Variants in ZNF436 observed in about 807,000 individuals in gnomAD.
ZNF436 encodes the protein zinc finger protein 436.
In ZNF436, 22 loss-of-function variants were observed where a neutral mutation model predicts 41.9. The ratio of observed to expected loss-of-function variants is 0.53; its 90% CI spans 0.38 to 0.75. ZNF436 has a LOEUF of 0.75. ZNF436 is among the 30% of genes least tolerant of loss of function. ZNF436 has a pLI of 0.00. For synonymous variants in ZNF436, 217 were observed against 197.8 expected (o/e 1.10, Z -0.82); for missense variants, 506 against 587.3 (o/e 0.86, Z 1.43).
Position 23,362,050 on chromosome 1 carries a change from T to C in ZNF436, c.1332A>G (p.Lys444=), listed in dbSNP as rs1638248304. Residue 444 remains lysine, a synonymous_variant, in exon 4 of 4, where the codon AAA becomes AAG. Transcript: ENST00000314011. The part of the protein sequence containing the change: ...ITHQRVHTGE[K]PYECTECEKS... ...TCTCACATTCGGTACATTCATAAGG[T>C]TTCTCTCCCGTGTGAACTCTTTGAT... is the stretch of plus-strand genomic sequence containing the variant. 3 of 1,614,082 alleles carry C rather than the reference T, an allele frequency of 1.9e-6. No homozygotes were observed. Among genetic ancestry groups the C allele is most frequent in the Admixed American group, 1.7e-5 (1 of 59,998 alleles).
rs1479586285 is a variant in ZNF436 at position 23,366,070 on chromosome 1, G to T, written c.160+972C>A. Among the ~76,000 whole-genome samples the T allele has an allele frequency of 3.3e-5, 5 of 152,110 alleles. No homozygotes were observed. In the East Asian group the frequency reaches 9.6e-4, roughly 29 times the overall value. On this transcript the variant is annotated intron_variant, in intron 3 of 3. Transcript: ENST00000314011. ...GAATTGTAAATTCACATTTTTTAAAGATTGTCATTTTTTGCTTTTGTTGGA... is the reference window on the plus strand; with the variant it reads ...GAATTGTAAATTCACATTTTTTAAATATTGTCATTTTTTGCTTTTGTTGGA...
At chr1:23,366,489 C>G (rs958462274) in intron 3 of ZNF436, among the ~76,000 whole-genome samples, 1 of 152,204 alleles carries the variant, frequency 6.6e-6, no homozygotes, top group African/African-American at 2.4e-5. Context: ...GCTGCCCTCT[C>G]TAATAGAATT....
At chr1:23,368,233 G>A in intron 1 of ZNF436, 168 bp from the exon 2 acceptor site, 1 of 576,852 alleles carries the variant, frequency 1.7e-6, no homozygotes, top group Non-Finnish European at 3.1e-6. Flanking sequence ...CCGCCACAGC[G>A]GGGTGGAGGC....
At chr1:23,367,914 G>A (rs762804851) in intron 2 of ZNF436, 59 bp downstream of exon 2, 4 of 1,597,168 alleles carry the variant, frequency 2.5e-6, no homozygotes, top group Non-Finnish European at 3.4e-6. Context: ...GCAGAGCAGA[G>A]AAACGCCGGA....
Position 23,362,383 on chromosome 1 carries a change from T to C in ZNF436, c.999A>G (p.Pro333=), listed in dbSNP as rs752289962. ...RHRRAHTGEK[P]YHCNECGENF... ...TTTCCCCACATTCGTTACAGTGGTA[T>C]GGCTTCTCTCCCGTGTGGGCTCTGC... The change falls in exon 4 of 4, where the codon CCA becomes CCG. Residue 333 remains proline (P), a synonymous_variant. Coordinates refer to ENST00000314011, the MANE Select transcript of ZNF436 (RefSeq NM_001077195.2). The C allele has an allele frequency of 1.1e-5, 17 of 1,613,170 alleles. 1 individual carries two copies. In the South Asian group the frequency reaches 1.8e-4, roughly 17 times the overall value.
intron 2 of ZNF436, 26 bp from the exon 3 acceptor site, chr1:23,367,194 T>C: frequency 6.3e-7 from 1 of 1,579,456 alleles, no homozygotes; most frequent in Non-Finnish European, 8.6e-7. Context: ...ACTTCCCTAC[T>C]ATTCTGTATT....
intron 3 of ZNF436, among the ~76,000 whole-genome samples, chr1:23,365,422 AATAAAAAG>A (rs1195174314): frequency 2.7e-5 from 4 of 150,676 alleles, no homozygotes; most frequent in African/African-American, 9.8e-5. Context: ...ATAATAAAAA[AATAAAAAG>A]AAGCTGAGCA....
rs568378604 is a variant in ZNF436 at position 23,359,735 on chromosome 1, C to G, written c.*2234G>C. On this transcript the variant is annotated 3_prime_UTR_variant, in exon 4 of 4. Transcript: ENST00000314011. Reference sequence around the variant, plus strand: ...AACAATTGGCAGAAAGAGGAGACAGCTGGTGTGGCCCTTGTCCCTTAAGTT... The same window carrying G: ...AACAATTGGCAGAAAGAGGAGACAGGTGGTGTGGCCCTTGTCCCTTAAGTT... 9.8e-5 allele frequency: 15 copies of G among 152,782 alleles called. No homozygotes were observed. The highest frequency in any genetic ancestry group is 3.6e-4 in the African/African-American group (15 of 41,552). 9.5% of individuals were successfully genotyped at this position (152,782 alleles called of 1,614,324 possible).
chr1:23,366,846 A>G (rs1405159999), intron 3 of ZNF436, among the ~76,000 whole-genome samples, 196 bp downstream of exon 3: 3 of 152,244 alleles, frequency 2.0e-5, no homozygotes, highest in Non-Finnish European at 4.4e-5. Context: ...TAAGACGTGC[A>G]GAAGCAGTTT....
At chr1:23,367,902 T>C in intron 2 of ZNF436, 71 bp downstream of exon 2, 4 of 1,563,560 alleles carry the variant, frequency 2.6e-6, no homozygotes, top group South Asian at 1.1e-5. Context: ...CCACAGGGAC[T>C]TGCAGAGCAG....
Position 23,363,135 on chromosome 1 carries a change from C to T in ZNF436, c.247G>A (p.Ala83Thr). 6.2e-7 allele frequency: 1 copy of T among 1,614,158 alleles called. No individual in the cohort carries two copies. The change falls in exon 4 of 4, where the codon GCT becomes ACT. Residue 83 changes from alanine (A) to threonine (T), a missense_variant. Physicochemically the swap from Ala to Thr is moderately conservative, Grantham distance 58. This residue lies in a region of ZNF436 where 228 missense variants were observed against 215.1 expected (regional missense o/e 1.06). Coordinates refer to ENST00000314011, the MANE Select transcript of ZNF436 (RefSeq NM_001077195.2). ...VQFGTTSERP[A>T]ENAEENPESE... Reference sequence around the variant, plus strand: ...TCAGGATTTTCCTCAGCATTCTCAGCAGGTCTTTCAGATGTAGTCCCAAAT... The same window carrying T: ...TCAGGATTTTCCTCAGCATTCTCAGTAGGTCTTTCAGATGTAGTCCCAAAT...
In ZNF436 at chr1:23,368,038, G is replaced by C. The variant is rs374882234; in HGVS notation, c.-33C>G. The C allele has an allele frequency of 6.8e-6, 11 of 1,613,606 alleles. No homozygotes were observed. The highest frequency in any genetic ancestry group is 8.5e-6 in the Non-Finnish European group (10 of 1,179,838). On this transcript the variant is annotated 5_prime_UTR_variant, in exon 2 of 4. Transcript: ENST00000314011. ...ACAAGGGTTCGCCTCCAGGGAGAGA[G>C]AGCAGGAAAAGCAGCTAGCAGACAG...
chr1:23,366,923 A>C, intron 3 of ZNF436, 119 bp downstream of exon 3: 1 of 1,194,682 alleles, frequency 8.4e-7, no homozygotes, highest in Non-Finnish European at 1.2e-6. Flanking sequence ...ACTCAAGTCA[A>C]GCCAATATCC....
chr1:23,365,979 T>C (rs1335887514), intron 3 of ZNF436, among the ~76,000 whole-genome samples: 2 of 151,856 alleles, frequency 1.3e-5, no homozygotes, highest in African/African-American at 2.4e-5. Flanking sequence ...CCAAACTTAT[T>C]TGGGCAAGAA....
rs370783202 is a variant in ZNF436, at chr1:23,362,409, G to A, written c.973C>T (p.Arg325Cys). The change falls in exon 4 of 4, where the codon CGC (arginine) becomes TGC (cysteine). Residue 325 changes from arginine (R) to cysteine (C), a missense_variant. Arg to Cys is a radical substitution (Grantham distance 180). This residue lies in a region of ZNF436 where 278 missense variants were observed against 372.1 expected (regional missense o/e 0.75). Coordinates refer to ENST00000314011, the MANE Select transcript of ZNF436 (RefSeq NM_001077195.2). ...GGCTTCTCTCCCGTGTGGGCTCTGCGATGACGCACAAGGTCGGAGTTCTGA... is the reference window on the plus strand; with the variant it reads ...GGCTTCTCTCCCGTGTGGGCTCTGCAATGACGCACAAGGTCGGAGTTCTGA... ...FSQNSDLVRH[R>C]RAHTGEKPYH... The A allele has an allele frequency of 9.0e-5, 145 of 1,613,852 alleles. 1 individual carries two copies. In the South Asian group the frequency reaches 1.1e-3, roughly 13 times the overall value.
intron 3 of ZNF436, among the ~76,000 whole-genome samples, chr1:23,365,312 C>T (rs1638334193): frequency 6.6e-6 from 1 of 151,798 alleles, no homozygotes; most frequent in South Asian, 2.1e-4. Context: ...AGGAGAATGG[C>T]GTGAACCTGG....
intron 2 of ZNF436, among the ~76,000 whole-genome samples, chr1:23,367,479 T>C (rs1638385369): frequency 6.6e-6 from 1 of 152,182 alleles, no homozygotes; most frequent in Admixed American, 6.5e-5. Flanking sequence ...TGGAATATTC[T>C]TCTCACACTA....
chr1:23,362,414 C>T lies in ZNF436; in HGVS notation c.968G>A (p.Arg323His), dbSNP rs1397304009. 16 of 1,612,892 alleles carry T rather than the reference C, an allele frequency of 9.9e-6. No individual in the cohort carries two copies. Among genetic ancestry groups the T allele is most frequent in the Non-Finnish European group, 1.3e-5 (15 of 1,179,678 alleles). Residue 323 changes from arginine (R) to histidine (H), a missense_variant, in exon 4 of 4, where the codon CGT becomes CAT. By Grantham distance (29) the Arg-to-His change is conservative. Transcript: ENST00000314011. ...KNFSQNSDLV[R>H]HRRAHTGEKP... ...CTCTCCCGTGTGGGCTCTGCGATGACGCACAAGGTCGGAGTTCTGACTGAA... is the reference window on the plus strand; with the variant it reads ...CTCTCCCGTGTGGGCTCTGCGATGATGCACAAGGTCGGAGTTCTGACTGAA...
At position 23,362,005 on chromosome 1, in the gene ZNF436, T is replaced by C. The variant is rs1488066454; in HGVS notation, c.1377A>G (p.Ser459=). The C allele has an allele frequency of 1.2e-6, 2 of 1,612,988 alleles. No individual in the cohort carries two copies. The highest frequency in any genetic ancestry group is 1.7e-6 in the Non-Finnish European group (2 of 1,179,412). Reference sequence around the variant, plus strand: ...GAACTCTCTTATGTTTAATAAGAGCTGAGCTCCTGCTGAAACTCTTCTCAC... The same window carrying C: ...GAACTCTCTTATGTTTAATAAGAGCCGAGCTCCTGCTGAAACTCTTCTCAC... ...TECEKSFSRS[S]ALIKHKRVHT... is the part of the protein sequence containing the mutation. The change falls in exon 4 of 4, where the codon TCA becomes TCG. Residue 459 remains serine (S), a synonymous_variant. Transcript: ENST00000314011.
Sources: gnomAD v4.1 joint callset for allele counts (sites outside exome capture counted in the v4.1 genomes callset) on GRCh38, gnomAD v4.1.1 for gene constraint, gnomAD v4.1.1 regional missense constraint, MANE v1.5 for transcripts, NCBI Gene and HGNC (gene_info 2026-07-23, HGNC 2026-07-21) for gene names.